Variants in THSD4 observed in about 807,000 individuals in gnomAD.
THSD4 encodes thrombospondin type-1 domain-containing protein 4.
THSD4 carries 69 observed loss-of-function variants against 119.0 expected under a neutral mutation model. The observed-to-expected ratio is 0.58, with a 90% CI of 0.48 to 0.71. The LOEUF (loss-of-function observed/expected upper bound fraction) is 0.71. Ranked by LOEUF, THSD4 falls within the 30% of genes least tolerant of loss-of-function variation. THSD4 has a pLI of 0.00. For synonymous variants in THSD4, 524 were observed against 540.4 expected (o/e 0.97, Z 0.42); for missense variants, 1,393 against 1,391.1 (o/e 1.00, Z -0.02).
intron 3 of THSD4, among the ~76,000 whole-genome samples, chr15:71,213,650 T>C (rs1322008368): frequency 2.0e-5 from 3 of 152,222 alleles, no homozygotes; most frequent in Non-Finnish European, 2.9e-5. Flanking sequence ...TACAGTGTGC[T>C]TGCTCTTGGC....
At chr15:71,467,314 A>G (rs1328647895) in intron 7 of THSD4, among the ~76,000 whole-genome samples, 1 of 152,364 alleles carries the variant, frequency 6.6e-6, no homozygotes, top group Non-Finnish European at 1.5e-5. Flanking sequence ...TGACAAGAGA[A>G]GTGCAAATTT....
intron 3 of THSD4, among the ~76,000 whole-genome samples, chr15:71,182,543 A>G (rs2043542831): frequency 6.6e-6 from 1 of 151,784 alleles, no homozygotes; most frequent in African/African-American, 2.4e-5. Context: ...TATACACATA[A>G]AACCCAAACC....
chr15:71,718,613 A>G (rs1481855246), intron 8 of THSD4, among the ~76,000 whole-genome samples: 1 of 152,184 alleles, frequency 6.6e-6, no homozygotes, highest in Non-Finnish European at 1.5e-5. Context: ...ATCAGCCGTC[A>G]CAGTCTGCCT....
chr15:71,709,171 G>A (rs945801063), intron 8 of THSD4, among the ~76,000 whole-genome samples: 6 of 152,188 alleles, frequency 3.9e-5, no homozygotes, highest in Non-Finnish European at 8.8e-5. Context: ...GGACAGCCAG[G>A]GGGAGGAGTA....
chr15:71,330,977 G>A (rs1397165403), intron 6 of THSD4, among the ~76,000 whole-genome samples: 2 of 152,202 alleles, frequency 1.3e-5, no homozygotes, highest in Non-Finnish European at 2.9e-5. Flanking sequence ...AGGAAGGAGG[G>A]AGGCTGTGCT....
chr15:71,575,646 AGTTACGT>A (rs1373904075), intron 7 of THSD4, among the ~76,000 whole-genome samples: 2 of 152,348 alleles, frequency 1.3e-5, no homozygotes, highest in East Asian at 1.9e-4. Flanking sequence ...GAAAGCCTGT[AGTTACGT>A]GTATTACCAC....
At chr15:71,763,867 C>T (rs760719637) in intron 15 of THSD4, among the ~76,000 whole-genome samples, 4 of 152,120 alleles carry the variant, frequency 2.6e-5, no homozygotes, top group Non-Finnish European at 5.9e-5. Context: ...GAGTTCAAGA[C>T]CAGCCTGGGC....
intron 3 of THSD4, among the ~76,000 whole-genome samples, chr15:71,194,047 A>G (rs1202507263): frequency 6.6e-6 from 1 of 152,088 alleles, no homozygotes; most frequent in African/African-American, 2.4e-5. Context: ...TTCCCCTTTC[A>G]CTTGGCTCTC....
At position 71,317,172 on chromosome 15, in the gene THSD4, A is replaced by G. The variant is rs117986934; in HGVS notation, c.1015+60457A>G. Among the ~76,000 whole-genome samples, 190 of 152,330 alleles carry G rather than the reference A, an allele frequency of 1.2e-3. 6 individuals carry two copies. The East Asian group carries it at 0.03, about 24-fold the overall frequency. On this transcript the variant is annotated intron_variant, in intron 6 of 17. Transcript: ENST00000261862. Reference sequence around the variant, plus strand: ...CCTCCACTCCCTTAACCTCTGAAACATATTTGTGATGGAGAGCATTAGAAG... The same window carrying G: ...CCTCCACTCCCTTAACCTCTGAAACGTATTTGTGATGGAGAGCATTAGAAG...
chr15:71,643,340 A>G (rs569673763), intron 7 of THSD4, among the ~76,000 whole-genome samples: 15 of 152,330 alleles, frequency 9.8e-5, no homozygotes, highest in Non-Finnish European at 1.5e-4. Context: ...TCAAGAGTAC[A>G]TGTGCAGGTT....
chr15:71,568,626 A>G (rs887593227), intron 7 of THSD4, among the ~76,000 whole-genome samples: 4 of 146,518 alleles, frequency 2.7e-5, no homozygotes, highest in African/African-American at 1.0e-4. Flanking sequence ...GTTCTAGGGT[A>G]CATGTGCACA....
At position 71,277,128 on chromosome 15, in the gene THSD4, C is replaced by CTTT. The variant is rs779207517; in HGVS notation, c.1015+20425_1015+20427dup. On this transcript the variant is annotated intron_variant, in intron 6 of 17. Transcript: ENST00000261862. ...TATTTGTATTTGAATTCTTCTTCTT[C>CTTT]TTTTTTTTTTTTTTGAAACGGAGTT... Among the ~76,000 whole-genome samples, 68 of 123,002 alleles carry CTTT rather than the reference C, an allele frequency of 5.5e-4. 4 individuals are homozygous for CTTT. The highest frequency in any genetic ancestry group is 7.9e-3 in the Middle Eastern group (2 of 252). The allele number at this position is 123,002 out of a possible 152,430, so 80.7% of individuals were successfully genotyped here. A position where few individuals can be genotyped will look rare whatever the true frequency, so the allele number is the denominator to read the frequency against.
intron 7 of THSD4, among the ~76,000 whole-genome samples, chr15:71,648,237 T>G (rs554733566): frequency 6.6e-6 from 1 of 152,266 alleles, no homozygotes; most frequent in South Asian, 2.1e-4. Context: ...TTAGGTAAGG[T>G]GCCAAGCACA....
intron 6 of THSD4, among the ~76,000 whole-genome samples, chr15:71,300,830 G>A (rs1181038174): frequency 1.3e-5 from 2 of 152,152 alleles, no homozygotes; most frequent in Non-Finnish European, 2.9e-5. Context: ...TTCTAATAGA[G>A]CATCAAAGTG....
intron 7 of THSD4, among the ~76,000 whole-genome samples, chr15:71,599,733 A>G (rs2049971457): frequency 1.3e-5 from 2 of 152,208 alleles, no homozygotes. Context: ...CAGCCGCTCC[A>G]GTGGACTCTG....
intron 3 of THSD4, among the ~76,000 whole-genome samples, chr15:71,195,481 C>T (rs1444207056): frequency 6.6e-6 from 1 of 152,120 alleles, no homozygotes; most frequent in Non-Finnish European, 1.5e-5. Flanking sequence ...CTGACAATAC[C>T]AAGTGGACCC....
intron 6 of THSD4, among the ~76,000 whole-genome samples, chr15:71,265,855 G>C (rs538850680): frequency 6.6e-6 from 1 of 152,134 alleles, no homozygotes; most frequent in Non-Finnish European, 1.5e-5. Flanking sequence ...GTTCAAACTC[G>C]GCAGAGCCCA....
At chr15:71,339,409 A>C (rs1190764339) in intron 6 of THSD4, among the ~76,000 whole-genome samples, 2 of 151,814 alleles carry the variant, frequency 1.3e-5, no homozygotes, top group African/African-American at 4.8e-5. Flanking sequence ...CCCAACCGTC[A>C]CCTCTGTACT....
At chr15:71,696,695 C>A (rs1329231362) in intron 8 of THSD4, among the ~76,000 whole-genome samples, 1 of 152,100 alleles carries the variant, frequency 6.6e-6, no homozygotes, top group Non-Finnish European at 1.5e-5. Context: ...CCTTGGCATA[C>A]CTTGAGGACA....
Sources: gnomAD v4.1 joint callset for allele counts (sites outside exome capture counted in the v4.1 genomes callset) on GRCh38, gnomAD v4.1.1 for gene constraint, MANE v1.5 for transcripts, NCBI Gene and HGNC (gene_info 2026-07-23, HGNC 2026-07-21) for gene names.